Variants in GPATCH2 observed in about 807,000 individuals in gnomAD.
GPATCH2 encodes the protein G-patch domain containing 2.
In GPATCH2, 51 loss-of-function variants were observed where a neutral mutation model predicts 58.0. The observed-to-expected ratio is 0.88, with a 90% CI of 0.70 to 1.11. GPATCH2 has a LOEUF of 1.11. Ranked by LOEUF, GPATCH2 falls within the 50% of genes most tolerant of loss-of-function variation. The pLI, the probability that GPATCH2 is intolerant of heterozygous loss-of-function variation, is 0.00. For synonymous variants in GPATCH2, 222 were observed against 218.5 expected, an observed-to-expected ratio of 1.02 and a Z score of -0.14; for missense variants, 625 against 652.2, an observed-to-expected ratio of 0.96 and a Z score of 0.45.
At chr1:217,439,633 A>G (rs993327248) in intron 9 of GPATCH2, among the ~76,000 whole-genome samples, 4 of 152,218 alleles carry the variant, frequency 2.6e-5, no homozygotes, top group African/African-American at 9.6e-5. Flanking sequence ...CTAATGAAGA[A>G]GAAAAGAGAA....
At chr1:217,455,139 C>T (rs1472859387) in intron 8 of GPATCH2, among the ~76,000 whole-genome samples, 2 of 152,146 alleles carry the variant, frequency 1.3e-5, no homozygotes, top group Non-Finnish European at 2.9e-5. Flanking sequence ...AGTTTTAGCT[C>T]AGTGCACTGA....
chr1:217,563,627 A>G (rs1397077513), intron 5 of GPATCH2, among the ~76,000 whole-genome samples: 1 of 152,252 alleles, frequency 6.6e-6, no homozygotes, highest in East Asian at 1.9e-4. Flanking sequence ...AAATTAAAAC[A>G]GGAGAGAAAT....
intron 7 of GPATCH2, chr1:217,495,040 T>C (rs1661944605): frequency 1.7e-6 from 1 of 587,272 alleles, no homozygotes. Context: ...TTGCTGGACT[T>C]AGGCCAAACG....
At chr1:217,580,769 G>A (rs1667041037) in intron 5 of GPATCH2, among the ~76,000 whole-genome samples, 1 of 39,126 alleles carries the variant, frequency 2.6e-5, no homozygotes, top group Non-Finnish European at 5.6e-5. Flanking sequence ...AGCACTTTGG[G>A]AGGCCGAGGC....
At chr1:217,524,419 G>T (rs1323589696) in intron 5 of GPATCH2, among the ~76,000 whole-genome samples, 1 of 151,730 alleles carries the variant, frequency 6.6e-6, no homozygotes, top group Non-Finnish European at 1.5e-5. Context: ...CCAGACGATG[G>T]GCGGCCAGGC....
At chr1:217,593,971 T>C (rs1667705843) in intron 5 of GPATCH2, among the ~76,000 whole-genome samples, 1 of 152,088 alleles carries the variant, frequency 6.6e-6, no homozygotes, top group Non-Finnish European at 1.5e-5. Context: ...CTTCAGGTAA[T>C]GAATCTTAAG....
At chr1:217,452,154 G>A (rs1025073906) in intron 8 of GPATCH2, among the ~76,000 whole-genome samples, 1 of 152,220 alleles carries the variant, frequency 6.6e-6, no homozygotes, top group African/African-American at 2.4e-5. Flanking sequence ...GAGAGCTCGA[G>A]TTGGACACGG....
chr1:217,595,301 G>A (rs1667771855), intron 5 of GPATCH2, among the ~76,000 whole-genome samples: 1 of 152,060 alleles, frequency 6.6e-6, no homozygotes, highest in African/African-American at 2.4e-5. Context: ...CTCAAAAGGG[G>A]AACTCAATCA....
chr1:217,621,731 G>T (rs1047295998), intron 1 of GPATCH2, among the ~76,000 whole-genome samples: 1 of 152,124 alleles, frequency 6.6e-6, no homozygotes, highest in African/African-American at 2.4e-5. Flanking sequence ...TCAGGCTTTT[G>T]CAAGTTCCTT....
chr1:217,567,315 G>T (rs973464784), intron 5 of GPATCH2, among the ~76,000 whole-genome samples: 1 of 152,118 alleles, frequency 6.6e-6, no homozygotes, highest in African/African-American at 2.4e-5. Flanking sequence ...CAAAGTGCTG[G>T]GATTACAGGC....
intron 5 of GPATCH2, among the ~76,000 whole-genome samples, chr1:217,588,080 T>C (rs1667425749): frequency 6.6e-6 from 1 of 152,140 alleles, no homozygotes; most frequent in African/African-American, 2.4e-5. Flanking sequence ...GGAATATATA[T>C]TATATATGGA....
At position 217,427,848 on chromosome 1, in the gene GPATCH2, T is replaced by C. The variant is rs759620427; in HGVS notation, c.*3297A>G. ...AATAAAATGCAGTATTTTGTAATTA[T>C]GTCTGTATACTGCACACAGGCATTA... On this transcript the variant is annotated 3_prime_UTR_variant, in exon 10 of 10. Transcript: ENST00000366935. The C allele has an allele frequency of 2.0e-5, 3 of 152,198 alleles. No individual in the cohort carries two copies. Among genetic ancestry groups the C allele is most frequent in the Non-Finnish European group, 4.4e-5 (3 of 68,010 alleles). The allele number at this position is 152,198 out of a possible 1,614,324, so 9.4% of individuals were successfully genotyped here.
intron 5 of GPATCH2, among the ~76,000 whole-genome samples, chr1:217,558,534 A>T (rs1209026839): frequency 6.6e-6 from 1 of 152,216 alleles, no homozygotes; most frequent in Non-Finnish European, 1.5e-5. Context: ...TCCACAAGCC[A>T]TCCTGCCAGC....
chr1:217,524,925 A>T (rs867628906), intron 5 of GPATCH2, among the ~76,000 whole-genome samples: 1 of 7,290 alleles, frequency 1.4e-4, no homozygotes, highest in South Asian at 4.6e-3. Context: ...GAGGGGGGAG[A>T]GGGGAGAGGG....
chr1:217,486,221 T>C (rs1053484417), intron 8 of GPATCH2, among the ~76,000 whole-genome samples: 2 of 152,230 alleles, frequency 1.3e-5, no homozygotes, highest in Admixed American at 1.3e-4. Context: ...TTCTTGATTA[T>C]GTGTTCTTTT....
rs181053407 is a variant in GPATCH2, at chr1:217,513,687, T to C, written c.1166+1135A>G. On this transcript the variant is annotated intron_variant, in intron 6 of 9. Coordinates refer to ENST00000366935, the MANE Select transcript of GPATCH2 (RefSeq NM_018040.5). ...CAAAGTCAAAGCTACAACTACTTAGTTTTAAAAAATTATCTAGTAAGTAGT... is the reference window on the plus strand; with the variant it reads ...CAAAGTCAAAGCTACAACTACTTAGCTTTAAAAAATTATCTAGTAAGTAGT... Among the ~76,000 whole-genome samples, 401 of 152,324 alleles carry C rather than the reference T, an allele frequency of 2.6e-3. 2 individuals are homozygous for C. The highest frequency in any genetic ancestry group is 4.4e-3 in the Admixed American group (68 of 15,296).
At chr1:217,453,105 C>T (rs1182821616) in intron 8 of GPATCH2, among the ~76,000 whole-genome samples, 1 of 152,174 alleles carries the variant, frequency 6.6e-6, no homozygotes, top group Non-Finnish European at 1.5e-5. Context: ...ATGAATGTCT[C>T]AAAGGCAGCC....
chr1:217,569,708 T>C (rs1014643659), intron 5 of GPATCH2, among the ~76,000 whole-genome samples: 3 of 151,904 alleles, frequency 2.0e-5, no homozygotes, highest in African/African-American at 7.2e-5. Context: ...AAATAAATAA[T>C]TAAATGAAAT....
In GPATCH2 at chr1:217,631,019, C is replaced by A; in HGVS notation, c.-48G>T. 1 of 1,527,746 alleles carries A rather than the reference C, an allele frequency of 6.5e-7. No individual in the cohort carries two copies. Among genetic ancestry groups the A allele is most frequent in the Non-Finnish European group, 8.9e-7 (1 of 1,129,574 alleles). 94.6% of individuals were successfully genotyped at this position (1,527,746 alleles called of 1,614,324 possible). On this transcript the variant is annotated 5_prime_UTR_variant, in exon 1 of 10. Coordinates refer to ENST00000366935, the MANE Select transcript of GPATCH2 (RefSeq NM_018040.5). Reference sequence around the variant, plus strand: ...CTCGAAGCTCAGGCCCGTGAACAGACTCCAACTACAACAGCACCGGCGACT... The same window carrying A: ...CTCGAAGCTCAGGCCCGTGAACAGAATCCAACTACAACAGCACCGGCGACT...
Sources: allele counts gnomAD v4.1 joint callset (sites outside exome capture counted in the v4.1 genomes callset), GRCh38; gene constraint gnomAD v4.1.1; transcripts MANE v1.5; gene names NCBI Gene and HGNC (gene_info 2026-07-23, HGNC 2026-07-21).